The following NXPE2 variants were observed in gnomAD, a reference collection of about 807,000 sequenced individuals.
NXPE2 encodes the protein neurexophilin and PC-esterase domain family member 2.
NXPE2 carries 34 observed loss-of-function variants against 34.4 expected under a neutral mutation model. The ratio of observed to expected loss-of-function variants is 0.99; its 90% CI spans 0.75 to 1.31. The LOEUF (loss-of-function observed/expected upper bound fraction) is 1.31. Among genes scored for constraint, NXPE2 ranks in the 40% most tolerant of loss-of-function variants. NXPE2 has a pLI of 0.00. For missense variants in NXPE2, 649 were observed against 672.5 expected (o/e 0.97, Z 0.39); for synonymous variants, 235 against 231.3 (o/e 1.02, Z -0.15).
chr11:114,549,755 C>T, the NXPE2 span, among the ~76,000 whole-genome samples: 7 of 151,822 alleles, frequency 4.6e-5, no homozygotes, highest in South Asian at 2.1e-4. Context: ...GAAAGCAATT[C>T]GAGACACTGG....
chr11:114,527,727 G>C, the NXPE2 span: 2 of 614,608 alleles, frequency 3.3e-6, no homozygotes, highest in Middle Eastern at 5.3e-4. Flanking sequence ...CAGCATGATT[G>C]ACATCATAGA....
the NXPE2 span, among the ~76,000 whole-genome samples, chr11:114,804,514 T>A: frequency 2.6e-5 from 4 of 152,226 alleles, no homozygotes; most frequent in African/African-American, 9.6e-5. Context: ...ATTTTATGAG[T>A]GCAGAGGCTG....
At chr11:114,800,013 A>T in the NXPE2 span, among the ~76,000 whole-genome samples, 10 of 152,240 alleles carry the variant, frequency 6.6e-5, no homozygotes, top group Admixed American at 6.5e-4. Flanking sequence ...GTTTCTAAGG[A>T]AATATAACAC....
chr11:114,604,231 G>T, the NXPE2 span, among the ~76,000 whole-genome samples: 1 of 152,138 alleles, frequency 6.6e-6, no homozygotes, highest in East Asian at 1.9e-4. Context: ...CTGTTACCCG[G>T]TTTATAATAA....
At chr11:114,606,037 A>G in the NXPE2 span, among the ~76,000 whole-genome samples, 9 of 151,846 alleles carry the variant, frequency 5.9e-5, 1 homozygote, top group Non-Finnish European at 8.8e-5. Context: ...CAGGAGGATA[A>G]TAAGGTCTGC....
chr11:114,674,291 A>G (rs1950833505), upstream of NXPE2, among the ~76,000 whole-genome samples: 1 of 151,812 alleles, frequency 6.6e-6, no homozygotes, highest in Non-Finnish European at 1.5e-5. Flanking sequence ...TTGAAAAATC[A>G]TTAAATAAAA....
intron 4 of NXPE2, among the ~76,000 whole-genome samples, chr11:114,704,476 G>C (rs542212463): frequency 6.6e-6 from 1 of 152,254 alleles, no homozygotes; most frequent in East Asian, 1.9e-4. Context: ...GAAGTTCTAT[G>C]AACTAGAATT....
chr11:114,660,779 C>T, the NXPE2 span, among the ~76,000 whole-genome samples: 15 of 152,044 alleles, frequency 9.9e-5, no homozygotes, highest in Admixed American at 2.0e-4. Context: ...AAAAGGCATA[C>T]CATTTGGATA....
chr11:114,726,043 G>A, the NXPE2 span, among the ~76,000 whole-genome samples: 1 of 145,146 alleles, frequency 6.9e-6, no homozygotes, highest in Non-Finnish European at 1.5e-5. Flanking sequence ...AGTGTTTCTG[G>A]CAGTGTGAAT....
At chr11:114,610,699 G>A in the NXPE2 span, among the ~76,000 whole-genome samples, 1,304 of 151,058 alleles carry the variant, frequency 8.6e-3, 31 homozygotes, top group African/African-American at 0.03. Context: ...ACTGTTACCC[G>A]GTGGATAATA....
At chr11:114,617,408 G>C in the NXPE2 span, among the ~76,000 whole-genome samples, 1 of 152,050 alleles carries the variant, frequency 6.6e-6, no homozygotes. Flanking sequence ...TGCCTCGTGG[G>C]TAACCACTGT....
the NXPE2 span, among the ~76,000 whole-genome samples, chr11:114,540,251 C>T: frequency 1.9e-4 from 29 of 152,246 alleles, no homozygotes; most frequent in East Asian, 5.8e-4. Flanking sequence ...CCACCATGCC[C>T]GGCCAATAAA....
the NXPE2 span, among the ~76,000 whole-genome samples, chr11:114,806,836 G>A: frequency 6.6e-6 from 1 of 151,860 alleles, no homozygotes; most frequent in African/African-American, 2.4e-5. Context: ...AGGAAATACA[G>A]AGAACGCCAC....
chr11:114,726,470 T>C, the NXPE2 span, among the ~76,000 whole-genome samples: 93 of 152,110 alleles, frequency 6.1e-4, no homozygotes, highest in Non-Finnish European at 1.2e-3. Context: ...CCTCAGCCTC[T>C]GAAAGCATTG....
the NXPE2 span, among the ~76,000 whole-genome samples, chr11:114,492,725 G>A: frequency 6.6e-6 from 1 of 152,044 alleles, no homozygotes; most frequent in Non-Finnish European, 1.5e-5. Context: ...ATTTTTAGTA[G>A]AGACGGGGTT....
At chr11:114,613,961 C>T in the NXPE2 span, among the ~76,000 whole-genome samples, 1,295 of 151,402 alleles carry the variant, frequency 8.6e-3, 16 homozygotes, top group African/African-American at 0.029. Flanking sequence ...CACTGTTTAC[C>T]GGTGGATAAT....
At chr11:114,733,058 C>CT in the NXPE2 span, among the ~76,000 whole-genome samples, 2 of 151,966 alleles carry the variant, frequency 1.3e-5, no homozygotes, top group Non-Finnish European at 2.9e-5. Context: ...AATTCAGTGT[C>CT]TTTTTTTGTA....
chr11:114,542,409 A>G, the NXPE2 span, among the ~76,000 whole-genome samples: 2 of 152,190 alleles, frequency 1.3e-5, no homozygotes, highest in Admixed American at 6.5e-5. Flanking sequence ...AACAACCAAC[A>G]TAATTGAAAA....
chr11:114,570,906 T>G, the NXPE2 span: 3 of 1,483,754 alleles, frequency 2.0e-6, no homozygotes, highest in Non-Finnish European at 2.7e-6. Flanking sequence ...ATTTTTTTAC[T>G]TAAGTGAATG....
Sources: allele counts gnomAD v4.1 joint callset (sites outside exome capture counted in the v4.1 genomes callset), GRCh38; gene constraint gnomAD v4.1.1; transcripts MANE v1.5; gene names NCBI Gene and HGNC (gene_info 2026-07-23, HGNC 2026-07-21).